Variants in WDR81 observed in about 807,000 individuals in gnomAD.
WDR81 encodes the protein WD repeat-containing protein 81.
In WDR81, 92 loss-of-function variants were observed where a neutral mutation model predicts 140.8. The ratio of observed to expected loss-of-function variants is 0.65; its 90% CI spans 0.55 to 0.78. WDR81 has a LOEUF of 0.78. Among genes scored for constraint, WDR81 ranks in the 30% least tolerant of loss-of-function variants. The pLI is 0.00. For missense variants in WDR81, 2,502 were observed against 2,636.4 expected (o/e 0.95, Z 1.12); for synonymous variants, 1,183 against 1,156.4 (o/e 1.02, Z -0.47).
At position 1,733,898 on chromosome 17, in the gene WDR81, T is replaced by C. The variant is rs780284811; in HGVS notation, c.4861T>C (p.Trp1621Arg). The change falls in exon 7 of 10, where the codon TGG becomes CGG. Residue 1621 changes from tryptophan (W) to arginine (R), a missense_variant. Around this residue, in one of 3 missense-constraint regions of WDR81, gnomAD observed 1,737 missense variants for 1,843.0 expected, o/e 0.94. Coordinates refer to ENST00000409644, the MANE Select transcript of WDR81 (RefSeq NM_001163809.2). ...GCTGAGCGGAAACTGGCTGGCGTAC[T>C]GGCAGTACGAGATCGGCGTGAGCCA... Reference protein sequence around the residue: ...HGLSGNWLAYWQYEIGVSQQD... With the variant: ...HGLSGNWLAYRQYEIGVSQQD... 6.2e-7 allele frequency: 1 copy of C among 1,612,684 alleles called. No homozygotes were observed.
At chr17:1,733,109 A>G (rs1004081514) in intron 6 of WDR81, 1 of 479,238 alleles carries the variant, frequency 2.1e-6, no homozygotes, top group African/African-American at 2.0e-5. Context: ...GGAGCTGGCG[A>G]GAGGGAAGGA....
At position 1,726,132 on chromosome 17, in the gene WDR81, G is replaced by A. The variant is rs1313038836; in HGVS notation, c.1173G>A (p.Thr391=). The A allele has an allele frequency of 1.3e-6, 2 of 1,534,364 alleles. No individual in the cohort carries two copies. Among genetic ancestry groups the A allele is most frequent in the African/African-American group, 1.4e-5 (1 of 72,692 alleles). Residue 391 remains threonine, a synonymous_variant, in exon 1 of 10, where the codon ACG becomes ACA. Transcript: ENST00000409644. ...PVLPWVVDFT[T]PHGRFRDLRK... is the part of the protein sequence containing the mutation. ...TGCCCTGGGTGGTGGACTTCACTAC[G>A]CCCCATGGGCGCTTCCGAGACCTGC... is the stretch of plus-strand genomic sequence containing the variant.
At position 1,728,465 on chromosome 17, in the gene WDR81, AGGG is replaced by A. The variant is rs1360901555; in HGVS notation, c.3509_3511del (p.Gly1170del). ...AGCTGCGTGGTGCTAGAGGAGGAGG[AGGG>A]GGAGCAGGAGGAGGTCACCGGGGCA... On this transcript the variant is annotated inframe_deletion, in exon 1 of 10. Transcript: ENST00000409644. 1.2e-6 allele frequency: 2 copies of A among 1,607,940 alleles called. No homozygotes were observed. The highest frequency in any genetic ancestry group is 1.1e-5 in the South Asian group (1 of 90,500).
intron 4 of WDR81, 122 bp from the exon 5 acceptor site, chr17:1,732,203 C>T: frequency 1.4e-6 from 2 of 1,385,918 alleles, no homozygotes; most frequent in Middle Eastern, 2.5e-4. Flanking sequence ...CACCACTGCA[C>T]TCCAGCCTGG....
At chr17:1,723,183 C>T (rs1277006858), upstream of WDR81, among the ~76,000 whole-genome samples, 4 of 152,110 alleles carry the variant, frequency 2.6e-5, no homozygotes, top group Non-Finnish European at 5.9e-5. Flanking sequence ...GCTTTGGTGC[C>T]GGCTGTCTGG....
chr17:1,717,799 G>T (rs977164658), intron 1 of WDR81, among the ~76,000 whole-genome samples: 1 of 152,174 alleles, frequency 6.6e-6, no homozygotes, highest in Non-Finnish European at 1.5e-5. Flanking sequence ...TTCTTCAGAG[G>T]CTCTGGGCTT....
At position 1,733,757 on chromosome 17, in the gene WDR81, T is replaced by G. The variant is rs1040305554; in HGVS notation, c.4720T>G (p.Ser1574Ala). 1 of 1,612,374 alleles carries G rather than the reference T, an allele frequency of 6.2e-7. No homozygotes were observed. The highest frequency in any genetic ancestry group is 1.1e-5 in the South Asian group (1 of 91,070). The change falls in exon 7 of 10, where the codon TCT (serine) becomes GCT (alanine). Residue 1574 changes from serine (S) to alanine (A), a missense_variant. Transcript: ENST00000409644. ...GAACCGCATTCAGATCCCCAATGAC[T>G]CTCGGCCTGAGAACCCCGGACCACT... ...VGNRIQIPND[S>A]RPENPGPLGP...
intron 9 of WDR81, among the ~76,000 whole-genome samples, 192 bp from the exon 10 acceptor site, chr17:1,737,173 G>C (rs543494541): frequency 1.3e-5 from 2 of 152,320 alleles, no homozygotes; most frequent in South Asian, 2.1e-4. Context: ...GTGACGACTG[G>C]GTTACGGATG....
intron 1 of WDR81, among the ~76,000 whole-genome samples, chr17:1,718,551 G>T (rs1010889957): frequency 1.3e-5 from 2 of 152,218 alleles, no homozygotes; most frequent in Non-Finnish European, 2.9e-5. Context: ...AGGACTGCAG[G>T]TGGGACACGT....
intron 1 of WDR81, among the ~76,000 whole-genome samples, chr17:1,718,505 A>T (rs2151154232): frequency 6.6e-6 from 1 of 152,310 alleles, no homozygotes; most frequent in East Asian, 1.9e-4. Flanking sequence ...CCCTGCCCAC[A>T]TGGCCACCCC....
intron 6 of WDR81, 29 bp from the exon 7 acceptor site, chr17:1,733,498 G>C: frequency 6.7e-7 from 1 of 1,500,176 alleles, no homozygotes; most frequent in Non-Finnish European, 8.9e-7. Context: ...CATCTTCCCT[G>C]TCTCAGGACC....
chr17:1,727,281 G>A lies in WDR81; in HGVS notation c.2322G>A (p.Leu774=), dbSNP rs1321884665. Residue 774 remains leucine, a synonymous_variant, in exon 1 of 10, where the codon CTG becomes CTA. Transcript: ENST00000409644. ...QCLLHRDMQA[L]GVLLAEMVFA... ...TACTCCACAGGGACATGCAGGCGCT[G>A]GGTGTCCTATTGGCAGAGATGGTGT... The A allele has an allele frequency of 6.5e-7, 1 of 1,550,234 alleles. No individual in the cohort carries two copies.
In WDR81 at chr17:1,735,166, A is replaced by G. The variant is rs1371659531; in HGVS notation, c.5180-406A>G. Among the ~76,000 whole-genome samples, 18 of 152,216 alleles carry G rather than the reference A, an allele frequency of 1.2e-4. 1 individual carries two copies. The highest frequency in any genetic ancestry group is 2.4e-4 in the Non-Finnish European group (16 of 68,042). On this transcript the variant is annotated intron_variant, in intron 7 of 9. Coordinates refer to ENST00000409644, the MANE Select transcript of WDR81 (RefSeq NM_001163809.2). The surrounding 1 kb of genome is among the most constrained non-coding windows in gnomAD (Gnocchi z 4.2). ...AAAAAAAGGCCGGACGCGGTGGCTCACGCCTGTAATCCCAGCACTTTGGGA... is the reference window on the plus strand; with the variant it reads ...AAAAAAAGGCCGGACGCGGTGGCTCGCGCCTGTAATCCCAGCACTTTGGGA...
At position 1,730,479 on chromosome 17, in the gene WDR81, G is replaced by C. The variant is rs572999583; in HGVS notation, c.3767G>C (p.Cys1256Ser). 6.2e-7 allele frequency: 1 copy of C among 1,612,966 alleles called. No individual in the cohort carries two copies. Among genetic ancestry groups the C allele is most frequent in the East Asian group, 2.2e-5 (1 of 44,864 alleles). The change falls in exon 2 of 10, where the codon TGT becomes TCT. Residue 1256 changes from cysteine to serine, a missense_variant. Cys to Ser is a moderately radical substitution (Grantham distance 112). Around this residue, in one of 3 missense-constraint regions of WDR81, gnomAD observed 1,737 missense variants for 1,843.0 expected, o/e 0.94. Coordinates refer to ENST00000409644, the MANE Select transcript of WDR81 (RefSeq NM_001163809.2). Reference protein sequence around the residue: ...ARNLLRLLTSCYVGPTRQQFT... With the variant: ...ARNLLRLLTSSYVGPTRQQFT... ...AACCTGCTCCGCCTGCTGACGTCTT[G>C]TTATGTTGGTAAGGAGGCCTGCGGT... is the stretch of plus-strand genomic sequence containing the variant.
Position 1,727,926 on chromosome 17 carries a change from C to G in WDR81, c.2967C>G (p.Ala989=). 1 of 1,550,656 alleles carries G rather than the reference C, an allele frequency of 6.4e-7. No individual in the cohort carries two copies. Among genetic ancestry groups the G allele is most frequent in the Non-Finnish European group, 8.7e-7 (1 of 1,147,044 alleles). ...ACCTGTACACGGACTGCTTTGTGGC[C>G]CAGCTGATGGTGCGGCTGGGCCTGC... is the stretch of plus-strand genomic sequence containing the variant. The part of the protein sequence containing the change: ...RFYLYTDCFV[A]QLMVRLGLQA... Residue 989 remains alanine, a synonymous_variant, in exon 1 of 10, where the codon GCC becomes GCG. Coordinates refer to ENST00000409644, the MANE Select transcript of WDR81 (RefSeq NM_001163809.2).
chr17:1,718,420 G>A (rs4603591), intron 1 of WDR81, among the ~76,000 whole-genome samples: 23,329 of 152,136 alleles, frequency 0.15, 2,024 homozygotes, highest in Non-Finnish European at 0.2. Context: ...GCGCCCGGCC[G>A]CATTCACTCC....
At position 1,719,555 on chromosome 17, in the gene WDR81, A is replaced by G. The variant is rs201190005; in HGVS notation, c.-124+2922A>G. 4.2e-4 allele frequency among the ~76,000 whole-genome samples: 41 copies of G among 98,152 alleles called. No individual in the cohort carries two copies. In the South Asian group the frequency reaches 0.017, roughly 41 times the overall value. The allele number at this position is 98,152 out of a possible 152,430, so 64.4% of individuals were successfully genotyped here. A position where few individuals can be genotyped will look rare whatever the true frequency, so the allele number is the denominator to read the frequency against. ...CAGAGCAAGACTCCGTCTCAAAAAA[A>G]GAAAAAAAAAAAAAAATTAAAAATG... On this transcript the variant is annotated intron_variant, in intron 1 of 10. Coordinates refer to the WDR81 transcript ENST00000309182.
chr17:1,725,769 T>C lies in WDR81; in HGVS notation c.810T>C (p.Ala270=). The part of the protein sequence containing the change: ...VLFILFRVLR[A]MDACHRQGLA... ...TCATTCTCTTCCGCGTGCTGAGGGC[T>C]ATGGACGCCTGTCACCGCCAGGGGC... is the stretch of plus-strand genomic sequence containing the variant. The change falls in exon 1 of 10, where the codon GCT becomes GCC. Residue 270 remains alanine, a synonymous_variant. Transcript: ENST00000409644. 6.4e-7 allele frequency: 1 copy of C among 1,550,678 alleles called. No homozygotes were observed. Among genetic ancestry groups the C allele is most frequent in the African/African-American group, 1.4e-5 (1 of 73,200 alleles).
chr17:1,724,983 G>A lies in WDR81; in HGVS notation c.24G>A (p.Arg8=). ...AGATGGCCCAGGGCAGCGGGGGGCG[G>A]GAAGGCGCTCTCAGAACCCCGGCCG... MAQGSGG[R]EGALRTPAGG... is the part of the protein sequence containing the mutation. Residue 8 remains arginine, a synonymous_variant, in exon 1 of 10, where the codon CGG becomes CGA. Coordinates refer to ENST00000409644, the MANE Select transcript of WDR81 (RefSeq NM_001163809.2). The A allele has an allele frequency of 6.8e-7, 1 of 1,461,018 alleles. No homozygotes were observed. Among genetic ancestry groups the A allele is most frequent in the Non-Finnish European group, 9.0e-7 (1 of 1,110,060 alleles). 90.5% of individuals were successfully genotyped at this position (1,461,018 alleles called of 1,614,324 possible). A position where few individuals can be genotyped will look rare whatever the true frequency, so the allele number is the denominator to read the frequency against.
Sources: gnomAD v4.1 joint callset for allele counts (sites outside exome capture counted in the v4.1 genomes callset) on GRCh38, gnomAD v4.1.1 for gene constraint, gnomAD v4.1.1 regional missense constraint, Gnocchi (gnomAD v3.1) non-coding constraint, MANE v1.5 for transcripts, NCBI Gene and HGNC (gene_info 2026-07-23, HGNC 2026-07-21) for gene names.